ANKFN1: variants seen among roughly 807,000 people sequenced by gnomAD.
ANKFN1 encodes the protein ankyrin repeat and fibronectin type III domain containing 1.
In ANKFN1, 74 loss-of-function variants were observed where a neutral mutation model predicts 108.7. The ratio of observed to expected loss-of-function variants is 0.68; its 90% CI spans 0.56 to 0.83. The LOEUF is 0.83. ANKFN1 is among the 40% of genes least tolerant of loss of function. The pLI, the probability that ANKFN1 is intolerant of heterozygous loss-of-function variation, is 0.00. For synonymous variants in ANKFN1, 547 were observed against 516.2 expected (o/e 1.06, Z -0.81); for missense variants, 1,505 against 1,382.3 (o/e 1.09, Z -1.41).
At chr17:56,443,996 A>G (rs1467905170) in intron 10 of ANKFN1, among the ~76,000 whole-genome samples, 2 of 152,242 alleles carry the variant, frequency 1.3e-5, no homozygotes, top group East Asian at 1.9e-4. Flanking sequence ...TTTTTACTCC[A>G]TAATTCTACG....
chr17:56,373,707 T>G (rs1398355968), intron 7 of ANKFN1, among the ~76,000 whole-genome samples: 1 of 152,196 alleles, frequency 6.6e-6, no homozygotes, highest in Non-Finnish European at 1.5e-5. Context: ...GCAAATAACT[T>G]AGCAACATTA....
intron 4 of ANKFN1, among the ~76,000 whole-genome samples, chr17:56,120,831 C>G (rs1216669528): frequency 6.6e-6 from 1 of 152,090 alleles, no homozygotes; most frequent in African/African-American, 2.4e-5. Context: ...ATTTGTTCTT[C>G]CAGTCCAGAC....
intron 6 of ANKFN1, among the ~76,000 whole-genome samples, chr17:56,364,104 A>G (rs1014488383): frequency 6.6e-6 from 1 of 152,188 alleles, no homozygotes; most frequent in Admixed American, 6.5e-5. Context: ...CAAAAAAAAG[A>G]TATATATTTG....
chr17:56,317,135 T>C (rs1305848228), intron 3 of ANKFN1, among the ~76,000 whole-genome samples: 1 of 152,178 alleles, frequency 6.6e-6, no homozygotes, highest in Non-Finnish European at 1.5e-5. Flanking sequence ...TTCTTCTATG[T>C]GTTAAGTGCT....
intron 1 of ANKFN1, among the ~76,000 whole-genome samples, chr17:56,186,140 G>T (rs1912183517): frequency 6.6e-6 from 1 of 152,136 alleles, no homozygotes; most frequent in Non-Finnish European, 1.5e-5. Context: ...TTGGAGGGGG[G>T]TGGGTAGTTA....
At chr17:56,300,252 T>C (rs556869859) in intron 3 of ANKFN1, among the ~76,000 whole-genome samples, 1 of 152,256 alleles carries the variant, frequency 6.6e-6, no homozygotes, top group African/African-American at 2.4e-5. Context: ...ATTAGCACAT[T>C]TCAGTTACAG....
intron 3 of ANKFN1, chr17:56,258,175 G>T (rs1332431602): frequency 2.0e-5 from 3 of 152,100 alleles, no homozygotes; most frequent in Non-Finnish European, 2.9e-5. Flanking sequence ...ATTTTTATTT[G>T]CCATGAAATC....
chr17:56,232,084 C>T (rs1006517555), intron 3 of ANKFN1, among the ~76,000 whole-genome samples: 4 of 152,096 alleles, frequency 2.6e-5, no homozygotes, highest in African/African-American at 9.7e-5. Flanking sequence ...AAGCTGACTC[C>T]TTCCCCACAT....
chr17:56,301,539 A>AG (rs2044669765), intron 3 of ANKFN1, among the ~76,000 whole-genome samples: 1 of 152,228 alleles, frequency 6.6e-6, no homozygotes, highest in Non-Finnish European at 1.5e-5. Context: ...GCCAAAAGCT[A>AG]GGGGAACACT....
At chr17:56,314,525 T>C (rs2045141564) in intron 3 of ANKFN1, among the ~76,000 whole-genome samples, 1 of 152,246 alleles carries the variant, frequency 6.6e-6, no homozygotes, top group Admixed American at 6.5e-5. Flanking sequence ...CCTTTTTATG[T>C]GCTTATTGAC....
chr17:56,507,486 A>C (rs1444306775), intron 20 of ANKFN1, among the ~76,000 whole-genome samples: 1 of 151,912 alleles, frequency 6.6e-6, no homozygotes, highest in East Asian at 1.9e-4. Flanking sequence ...CATATATTCA[A>C]CCATTCTCTC....
At chr17:56,221,033 G>A (rs917911435) in intron 2 of ANKFN1, among the ~76,000 whole-genome samples, 11 of 152,180 alleles carry the variant, frequency 7.2e-5, no homozygotes, top group African/African-American at 2.7e-4. Context: ...GTTGGCATCT[G>A]CTCAGCTTCT....
chr17:56,270,232 G>A (rs1453032732), intron 3 of ANKFN1, among the ~76,000 whole-genome samples: 1 of 152,138 alleles, frequency 6.6e-6, no homozygotes, highest in East Asian at 1.9e-4. Context: ...AGTCTCCGAG[G>A]CTCCATAGTC....
intron 3 of ANKFN1, chr17:56,228,348 C>T (rs1016291939): frequency 7.0e-5 from 14 of 198,848 alleles, no homozygotes; most frequent in Non-Finnish European, 1.3e-4. Context: ...TCTTGTTTAA[C>T]GGCATGGTGG....
chr17:56,173,343 C>T (rs1038865301), intron 1 of ANKFN1, among the ~76,000 whole-genome samples: 9 of 152,184 alleles, frequency 5.9e-5, no homozygotes, highest in Non-Finnish European at 1.3e-4. Flanking sequence ...TGGCTTCTTT[C>T]ACCACCATAT....
intron 4 of ANKFN1, among the ~76,000 whole-genome samples, chr17:56,073,106 C>G (rs1905139623): frequency 6.6e-6 from 1 of 151,408 alleles, no homozygotes; most frequent in South Asian, 2.1e-4. Flanking sequence ...CATTCTCCTG[C>G]CTCAGCCTCC....
intron 2 of ANKFN1, among the ~76,000 whole-genome samples, chr17:56,214,580 A>T (rs62073003): frequency 0.036 from 5,411 of 152,288 alleles, 134 homozygotes; most frequent in Non-Finnish European, 0.055. Flanking sequence ...GCGAAAAAGA[A>T]TGCTAGTGTC....
chr17:56,109,576 C>G (rs1836777366), intron 4 of ANKFN1, among the ~76,000 whole-genome samples: 2 of 152,032 alleles, frequency 1.3e-5, no homozygotes, highest in Admixed American at 6.6e-5. Context: ...TCAGAACAAT[C>G]AGAATGGCTG....
At chr17:56,249,629 C>T (rs1354265813) in intron 3 of ANKFN1, among the ~76,000 whole-genome samples, 1 of 152,076 alleles carries the variant, frequency 6.6e-6, no homozygotes, top group African/African-American at 2.4e-5. Context: ...TATGAATAGA[C>T]AGCTAGACTT....
Sources: gnomAD v4.1 joint callset for allele counts (sites outside exome capture counted in the v4.1 genomes callset) on GRCh38, gnomAD v4.1.1 for gene constraint, MANE v1.5 for transcripts, NCBI Gene and HGNC (gene_info 2026-07-23, HGNC 2026-07-21) for gene names.